The following CCDC171 variants were observed in gnomAD, a reference collection of about 807,000 sequenced individuals.
The protein encoded by CCDC171 is coiled-coil domain-containing protein 171.
A neutral mutation model predicts 168.2 loss-of-function variants in CCDC171; 177 were observed. The ratio of observed to expected loss-of-function variants is 1.05; its 90% confidence interval spans 0.93 to 1.19. The LOEUF is 1.19. CCDC171 is among the 50% of genes most tolerant of loss of function. The pLI, the probability that CCDC171 is intolerant of heterozygous loss-of-function variation, is 0.00. For missense variants in CCDC171, 1,991 were observed against 1,539.0 expected (o/e 1.29, Z -4.91); for synonymous variants, 687 against 540.8 (o/e 1.27, Z -3.75).
At chr9:15,688,175 A>G (rs1257665803) in intron 10 of CCDC171, among the ~76,000 whole-genome samples, 2 of 151,784 alleles carry the variant, frequency 1.3e-5, no homozygotes, top group Non-Finnish European at 2.9e-5. Context: ...CAATAGCAGG[A>G]TGTCTTAGAA....
At chr9:15,597,851 A>C (rs9406518) in intron 6 of CCDC171, among the ~76,000 whole-genome samples, 1 of 152,074 alleles carries the variant, frequency 6.6e-6, no homozygotes, top group Non-Finnish European at 1.5e-5. Flanking sequence ...CAGAGATTCA[A>C]CTTCTTCCTG....
intron 24 of CCDC171, among the ~76,000 whole-genome samples, chr9:15,909,625 C>A (rs557632795): frequency 6.6e-6 from 1 of 152,148 alleles, no homozygotes; most frequent in Admixed American, 6.6e-5. Flanking sequence ...TTGCTGTTTG[C>A]GTGCTATTAG....
At chr9:15,801,195 C>A (rs1353918932) in intron 21 of CCDC171, among the ~76,000 whole-genome samples, 2 of 151,706 alleles carry the variant, frequency 1.3e-5, no homozygotes, top group African/African-American at 4.8e-5. Flanking sequence ...TTGTAGATTC[C>A]TTTCGGTAGT....
intron 6 of CCDC171, among the ~76,000 whole-genome samples, chr9:15,602,661 T>TC (rs2042946580): frequency 2.6e-5 from 1 of 38,136 alleles, no homozygotes; most frequent in Non-Finnish European, 5.1e-5. Flanking sequence ...TTTTTTTTTT[T>TC]TTTTTTTTTT....
At chr9:15,670,682 A>G (rs748110558) in intron 9 of CCDC171, among the ~76,000 whole-genome samples, 2 of 152,040 alleles carry the variant, frequency 1.3e-5, no homozygotes, top group Non-Finnish European at 2.9e-5. Context: ...GGTTCAGCAT[A>G]CTTTATTTTT....
chr9:15,611,574 C>T (rs1413709400), intron 6 of CCDC171, among the ~76,000 whole-genome samples: 1 of 152,160 alleles, frequency 6.6e-6, no homozygotes, highest in Admixed American at 6.6e-5. Context: ...TCTAACTGCC[C>T]ACTATGCAGA....
intron 7 of CCDC171, among the ~76,000 whole-genome samples, chr9:15,625,094 G>A (rs1343425761): frequency 6.6e-6 from 1 of 152,046 alleles, no homozygotes; most frequent in African/African-American, 2.4e-5. Context: ...TCATGTGTCT[G>A]TTGGCTGCAT....
At chr9:16,008,441 C>A (rs535092480) in intron 3 of CCDC171, among the ~76,000 whole-genome samples, 4 of 152,134 alleles carry the variant, frequency 2.6e-5, no homozygotes, top group African/African-American at 7.2e-5. Flanking sequence ...GGTTATCCCT[C>A]CCTTTAATCT....
chr9:15,760,747 T>C (rs548043935), intron 18 of CCDC171, among the ~76,000 whole-genome samples: 1 of 152,294 alleles, frequency 6.6e-6, no homozygotes, highest in East Asian at 1.9e-4. Context: ...GTGCTAAAGG[T>C]GGCTGCCCCA....
intron 18 of CCDC171, among the ~76,000 whole-genome samples, chr9:15,748,396 T>G (rs1236664112): frequency 6.6e-6 from 1 of 152,170 alleles, no homozygotes; most frequent in Non-Finnish European, 1.5e-5. Flanking sequence ...TAGAAAACGC[T>G]TTTCAGGATA....
At chr9:16,049,357 C>T (rs536695243) in intron 1 of CCDC171, among the ~76,000 whole-genome samples, 6 of 152,200 alleles carry the variant, frequency 3.9e-5, no homozygotes, top group African/African-American at 1.2e-4. Flanking sequence ...CCTGGTAAAG[C>T]ATTATTTTGG....
intron 2 of CCDC171, among the ~76,000 whole-genome samples, chr9:15,565,976 A>C (rs889227711): frequency 2.0e-5 from 3 of 152,204 alleles, no homozygotes; most frequent in African/African-American, 7.2e-5. Flanking sequence ...TATCACTAGC[A>C]ATAATTGAGG....
intron 21 of CCDC171, among the ~76,000 whole-genome samples, chr9:15,792,123 C>G (rs2058300544): frequency 1.3e-5 from 2 of 152,166 alleles, no homozygotes; most frequent in Admixed American, 6.6e-5. Context: ...CAGAGAAGTC[C>G]TTAAATGACC....
At chr9:16,065,303 G>A (rs948727677), downstream of CCDC171, among the ~76,000 whole-genome samples, 1 of 152,126 alleles carries the variant, frequency 6.6e-6, no homozygotes, top group African/African-American at 2.4e-5. Flanking sequence ...CTGGCTGGCT[G>A]TGTGTAGTGC....
chr9:15,595,873 T>C (rs2131546674), intron 6 of CCDC171, among the ~76,000 whole-genome samples: 2 of 152,314 alleles, frequency 1.3e-5, no homozygotes, highest in South Asian at 4.1e-4. Context: ...CATTGTGGTT[T>C]TGATTTGCAT....
chr9:15,839,464 A>G (rs369779172), intron 21 of CCDC171, among the ~76,000 whole-genome samples: 1 of 152,098 alleles, frequency 6.6e-6, no homozygotes, highest in Non-Finnish European at 1.5e-5. Flanking sequence ...ACATAAACCT[A>G]TTTACTAGTT....
chr9:15,784,845 G>T (rs1588476668), intron 21 of CCDC171, 151 bp downstream of exon 21: 1 of 564,794 alleles, frequency 1.8e-6, no homozygotes, highest in Non-Finnish European at 2.9e-6. Flanking sequence ...TGAGACCTCA[G>T]TTATAAGCCT....
At chr9:15,963,918 G>A (rs1830571262) in intron 25 of CCDC171, among the ~76,000 whole-genome samples, 1 of 152,176 alleles carries the variant, frequency 6.6e-6, no homozygotes, top group African/African-American at 2.4e-5. Context: ...TAGTCAATGG[G>A]ATGTAAGTAA....
At chr9:15,894,833 T>C (rs141588351) in intron 24 of CCDC171, among the ~76,000 whole-genome samples, 290 of 152,250 alleles carry the variant, frequency 1.9e-3, no homozygotes, top group African/African-American at 5.4e-3. Flanking sequence ...GCATATTTTA[T>C]AGCCCTGACG....
Sources: gnomAD v4.1 joint callset for allele counts (sites outside exome capture counted in the v4.1 genomes callset) on GRCh38, gnomAD v4.1.1 for gene constraint, MANE v1.5 for transcripts, NCBI Gene and HGNC (gene_info 2026-07-23, HGNC 2026-07-21) for gene names.